Variants in NKAIN2 observed in about 807,000 individuals in gnomAD.
NKAIN2 encodes sodium/potassium transporting ATPase interacting 2.
Under a neutral mutation model 32.6 loss-of-function variants are expected in NKAIN2, and 14 were observed. The observed-to-expected ratio is 0.43, with a 90% CI of 0.28 to 0.67. NKAIN2 has a LOEUF of 0.67. Ranked by LOEUF, NKAIN2 falls within the 30% of genes least tolerant of loss-of-function variation. NKAIN2 has a pLI of 0.17. For missense variants in NKAIN2, 198 were observed against 258.3 expected (o/e 0.77, Z 1.60); for synonymous variants, 80 against 87.2 (o/e 0.92, Z 0.46).
At chr6:124,465,840 G>C (rs1405671690) in intron 3 of NKAIN2, among the ~76,000 whole-genome samples, 2 of 151,910 alleles carry the variant, frequency 1.3e-5, no homozygotes, top group Admixed American at 1.3e-4. Flanking sequence ...TAGTTAGAAA[G>C]TTTTAACTTT....
chr6:123,899,430 T>C (rs1344006457), intron 1 of NKAIN2, among the ~76,000 whole-genome samples: 1 of 152,206 alleles, frequency 6.6e-6, no homozygotes, highest in Non-Finnish European at 1.5e-5. Flanking sequence ...TTTTTTCTTT[T>C]TAGAATTCAT....
chr6:124,008,935 G>A (rs1780197934), intron 1 of NKAIN2, among the ~76,000 whole-genome samples: 1 of 152,158 alleles, frequency 6.6e-6, no homozygotes, highest in African/African-American at 2.4e-5. Flanking sequence ...CAGTAGCTGT[G>A]ACTATTATTG....
At chr6:124,364,810 G>A (rs116598659) in intron 3 of NKAIN2, among the ~76,000 whole-genome samples, 1,710 of 151,952 alleles carry the variant, frequency 0.011, 36 homozygotes, top group African/African-American at 0.038. Context: ...GAAGATAATG[G>A]AAAGAATAAC....
chr6:124,670,256 T>TG (rs1323110261), intron 4 of NKAIN2, among the ~76,000 whole-genome samples: 3 of 152,260 alleles, frequency 2.0e-5, no homozygotes, highest in Non-Finnish European at 2.9e-5. Flanking sequence ...ATCTTGTTGA[T>TG]GTTAAGTAAC....
intron 3 of NKAIN2, among the ~76,000 whole-genome samples, chr6:124,629,350 A>ATGAT (rs1783474955): frequency 1.3e-5 from 2 of 152,138 alleles, no homozygotes; most frequent in African/African-American, 4.8e-5. Context: ...TCCTAGCCCA[A>ATGAT]TGATTGACAG....
chr6:123,806,282 A>G (rs1773209945), intron 1 of NKAIN2, among the ~76,000 whole-genome samples: 1 of 152,116 alleles, frequency 6.6e-6, no homozygotes, highest in South Asian at 2.1e-4. Context: ...GAGTTTTTAT[A>G]TTATATGAGA....
At chr6:124,731,380 TA>T (rs768152340) in intron 4 of NKAIN2, among the ~76,000 whole-genome samples, 2 of 151,606 alleles carry the variant, frequency 1.3e-5, no homozygotes, top group African/African-American at 4.8e-5. Flanking sequence ...TATGCAGCCA[TA>T]AAAAATGATG....
intron 3 of NKAIN2, among the ~76,000 whole-genome samples, chr6:124,480,870 C>T (rs932931563): frequency 7.3e-4 from 111 of 152,160 alleles, no homozygotes; most frequent in African/African-American, 2.0e-3. Context: ...CTAAGAATGA[C>T]GCTTTACATT....
chr6:123,895,064 T>C (rs555894528), intron 1 of NKAIN2, among the ~76,000 whole-genome samples: 78 of 143,024 alleles, frequency 5.5e-4, no homozygotes, highest in African/African-American at 8.0e-4. Context: ...CCTACACCCC[T>C]TTTTTTTTTG....
chr6:124,819,114 C>T, intron 6 of NKAIN2: 1 of 971,568 alleles, frequency 1.0e-6, no homozygotes, highest in Non-Finnish European at 1.2e-6. Context: ...CAACTGATAA[C>T]AAATTCTATA....
At chr6:124,570,604 G>C (rs921959078) in intron 3 of NKAIN2, among the ~76,000 whole-genome samples, 1 of 152,210 alleles carries the variant, frequency 6.6e-6, no homozygotes, top group African/African-American at 2.4e-5. Context: ...CAGGTGCACA[G>C]AAGTCAATAA....
intron 4 of NKAIN2, among the ~76,000 whole-genome samples, chr6:124,703,757 A>G (rs1196560024): frequency 1.3e-5 from 2 of 152,038 alleles, no homozygotes; most frequent in African/African-American, 2.4e-5. Context: ...TTCTCAGAAT[A>G]CAAGTGTGAG....
intron 2 of NKAIN2, among the ~76,000 whole-genome samples, chr6:124,332,244 CACAG>C (rs1281237772): frequency 6.6e-5 from 10 of 151,224 alleles, no homozygotes; most frequent in Admixed American, 1.3e-4. Context: ...CACACACACA[CACAG>C]AGAGAGAGAG....
chr6:124,087,510 A>C (rs1290135550), intron 1 of NKAIN2, among the ~76,000 whole-genome samples: 2 of 152,048 alleles, frequency 1.3e-5, no homozygotes, highest in Admixed American at 6.6e-5. Flanking sequence ...TTGTCTGTGT[A>C]GAAAATCTAA....
At chr6:124,605,127 G>C (rs550206762) in intron 3 of NKAIN2, among the ~76,000 whole-genome samples, 3 of 152,058 alleles carry the variant, frequency 2.0e-5, no homozygotes, top group Non-Finnish European at 1.5e-5. Flanking sequence ...TAACAACTAA[G>C]TTCAATCTTT....
chr6:124,285,613 T>A (rs1795501774), intron 2 of NKAIN2, among the ~76,000 whole-genome samples: 1 of 152,144 alleles, frequency 6.6e-6, no homozygotes, highest in East Asian at 1.9e-4. Flanking sequence ...TATCACTGAC[T>A]TTCTGGTACC....
At chr6:124,229,529 T>TAGACAGAC (rs1248259393) in intron 1 of NKAIN2, among the ~76,000 whole-genome samples, 2 of 147,044 alleles carry the variant, frequency 1.4e-5, no homozygotes, top group African/African-American at 5.4e-5. Flanking sequence ...GATAGATAGA[T>TAGACAGAC]AGATAGACAG....
intron 3 of NKAIN2, among the ~76,000 whole-genome samples, chr6:124,438,868 C>A (rs986632299): frequency 1.3e-5 from 2 of 152,106 alleles, no homozygotes; most frequent in African/African-American, 4.8e-5. Context: ...GTAAATGTTT[C>A]TCCAGTGTAT....
rs182370116 is a variant in NKAIN2 at position 124,069,212 on chromosome 6, A to G, written c.55-213793A>G. ...TATCACTCAGGTTCTATTAAACTTT[A>G]TTACCTCTTTTTTTAACATTTTCTC... is the stretch of plus-strand genomic sequence containing the variant. On this transcript the variant is annotated intron_variant, in intron 1 of 6. Coordinates refer to ENST00000368417, the MANE Select transcript of NKAIN2 (RefSeq NM_001040214.3). Among the ~76,000 whole-genome samples the G allele has an allele frequency of 1.3e-3, 200 of 152,198 alleles. 1 individual carries two copies. The highest frequency in any genetic ancestry group is 0.013 in the Admixed American group (192 of 15,266).
Sources: allele counts gnomAD v4.1 joint callset (sites outside exome capture counted in the v4.1 genomes callset), GRCh38; gene constraint gnomAD v4.1.1; transcripts MANE v1.5; gene names NCBI Gene and HGNC (gene_info 2026-07-23, HGNC 2026-07-21).